Variants in NDST4 observed in about 807,000 individuals in gnomAD.
NDST4 encodes the protein N-deacetylase and N-sulfotransferase 4.
In NDST4, 63 loss-of-function variants were observed where a neutral mutation model predicts 100.8. The observed-to-expected ratio is 0.62, with a 90% CI of 0.51 to 0.77. NDST4 has a LOEUF of 0.77. Ranked by LOEUF, NDST4 falls within the 30% of genes least tolerant of loss-of-function variation. NDST4 has a pLI of 0.00. For missense variants in NDST4, 943 were observed against 1,018.4 expected (o/e 0.93, Z 1.01); for synonymous variants, 377 against 361.8 (o/e 1.04, Z -0.48).
chr4:114,852,768 A>C lies in NDST4; in HGVS notation c.1773T>G (p.Cys591Trp), dbSNP rs752771884. 1.2e-6 allele frequency: 2 copies of C among 1,612,834 alleles called. No homozygotes were observed. Among genetic ancestry groups the C allele is most frequent in the Admixed American group, 3.3e-5 (2 of 59,900 alleles). Residue 591 changes from cysteine to tryptophan, a missense_variant, in exon 8 of 14, where the codon TGT becomes TGG. By Grantham distance (215) the Cys-to-Trp change is radical. Coordinates refer to ENST00000264363, the MANE Select transcript of NDST4 (RefSeq NM_022569.3). ...HKDIWSREKT[C>W]DHLPKFLVIG... ...TTACTAGAAATTTTGGTAAGTGGTCACAAGTTTTCTCTCTGGACCAGATGT... is the reference window on the plus strand; with the variant it reads ...TTACTAGAAATTTTGGTAAGTGGTCCCAAGTTTTCTCTCTGGACCAGATGT...
At chr4:114,944,852 C>T (rs567511307) in intron 4 of NDST4, among the ~76,000 whole-genome samples, 7 of 152,234 alleles carry the variant, frequency 4.6e-5, no homozygotes, top group Admixed American at 1.3e-4. Flanking sequence ...CACCCCGGTG[C>T]TGCATTTTTG....
intron 4 of NDST4, among the ~76,000 whole-genome samples, chr4:114,965,473 A>C (rs1013561683): frequency 1.3e-5 from 2 of 151,956 alleles, no homozygotes; most frequent in Admixed American, 1.3e-4. Flanking sequence ...TTATGAAAAA[A>C]GTTATATAGA....
intron 2 of NDST4, among the ~76,000 whole-genome samples, chr4:115,064,582 CTG>C (rs1371590569): frequency 6.6e-6 from 1 of 151,996 alleles, no homozygotes; most frequent in African/African-American, 2.4e-5. Flanking sequence ...TTCATAAACA[CTG>C]TTCTCTTTTG....
At chr4:114,849,631 C>G (rs1308818951) in intron 8 of NDST4, among the ~76,000 whole-genome samples, 1 of 152,050 alleles carries the variant, frequency 6.6e-6, no homozygotes, top group Non-Finnish European at 1.5e-5. Flanking sequence ...GACCAACCAC[C>G]TTGATGGAAG....
chr4:114,949,679 A>C (rs1319418087), intron 4 of NDST4, among the ~76,000 whole-genome samples: 1 of 152,078 alleles, frequency 6.6e-6, no homozygotes, highest in Non-Finnish European at 1.5e-5. Flanking sequence ...TCCTTTTATG[A>C]AGCTTTCCTG....
intron 7 of NDST4, among the ~76,000 whole-genome samples, chr4:114,859,874 T>C (rs185411937): frequency 6.6e-6 from 1 of 152,322 alleles, no homozygotes; most frequent in Non-Finnish European, 1.5e-5. Flanking sequence ...CCTGAAAGCA[T>C]TTCTTAAATC....
chr4:114,972,196 A>G (rs1726529814), intron 3 of NDST4, among the ~76,000 whole-genome samples: 1 of 152,086 alleles, frequency 6.6e-6, no homozygotes, highest in Non-Finnish European at 1.5e-5. Flanking sequence ...CAGTGAATAA[A>G]TGAATAATTT....
chr4:114,943,017 T>G (rs1044255841), intron 4 of NDST4, among the ~76,000 whole-genome samples: 1 of 147,436 alleles, frequency 6.8e-6, no homozygotes, highest in Non-Finnish European at 1.5e-5. Context: ...TTACATATAT[T>G]ATATAATATA....
At chr4:115,085,662 A>T (rs935518772) in intron 1 of NDST4, among the ~76,000 whole-genome samples, 2 of 152,138 alleles carry the variant, frequency 1.3e-5, no homozygotes, top group Admixed American at 6.6e-5. Flanking sequence ...CTCTCCTGCC[A>T]CCCTGTAATG....
chr4:115,068,422 G>A (rs990768896), intron 2 of NDST4, among the ~76,000 whole-genome samples: 23 of 152,056 alleles, frequency 1.5e-4, no homozygotes, highest in African/African-American at 5.1e-4. Flanking sequence ...TACAGATTTT[G>A]TTTTCTACTT....
At chr4:114,872,741 T>C (rs986078595) in intron 6 of NDST4, among the ~76,000 whole-genome samples, 2 of 151,970 alleles carry the variant, frequency 1.3e-5, no homozygotes, top group African/African-American at 4.8e-5. Flanking sequence ...TGTCCCCTTT[T>C]ACAGATGAAA....
At chr4:114,956,866 A>G (rs1286749228) in intron 4 of NDST4, among the ~76,000 whole-genome samples, 1 of 152,204 alleles carries the variant, frequency 6.6e-6, no homozygotes, top group African/African-American at 2.4e-5. Flanking sequence ...TGCCAAAATT[A>G]TCTAAAATGT....
intron 2 of NDST4, among the ~76,000 whole-genome samples, chr4:114,994,979 A>C (rs567311308): frequency 7.2e-5 from 11 of 152,124 alleles, no homozygotes; most frequent in African/African-American, 2.6e-4. Context: ...GGAAGTCTGA[A>C]ATTTTATCTG....
chr4:114,995,888 G>T (rs1036582009), intron 2 of NDST4, among the ~76,000 whole-genome samples: 2 of 151,906 alleles, frequency 1.3e-5, no homozygotes, highest in African/African-American at 4.8e-5. Flanking sequence ...TCTTAAAATA[G>T]GGAGAAAAAT....
At chr4:114,974,406 G>A (rs1726585381) in intron 3 of NDST4, among the ~76,000 whole-genome samples, 1 of 152,028 alleles carries the variant, frequency 6.6e-6, no homozygotes. Context: ...AAAGACCAAT[G>A]TTAATTGTTA....
chr4:115,086,668 G>A (rs1381737938), intron 1 of NDST4, among the ~76,000 whole-genome samples: 1 of 152,004 alleles, frequency 6.6e-6, no homozygotes, highest in Admixed American at 6.6e-5. Flanking sequence ...AAATAGAAGA[G>A]TAAATGTCAG....
At position 115,076,519 on chromosome 4, in the gene NDST4, G is replaced by A. The variant is rs1425817468; in HGVS notation, c.518C>T (p.Pro173Leu). The A allele has an allele frequency of 6.2e-7, 1 of 1,613,796 alleles. No individual in the cohort carries two copies. The highest frequency in any genetic ancestry group is 8.5e-7 in the Non-Finnish European group (1 of 1,179,938). Residue 173 changes from proline (P) to leucine (L), a missense_variant, in exon 2 of 14, where the codon CCA becomes CTA. Coordinates refer to ENST00000264363, the MANE Select transcript of NDST4 (RefSeq NM_022569.3). ...CGGAAAGCCTTTTAATTGTGTACTT[G>A]GTAAGCTGTTCTCATTGGCTTTATG... ...GFHKANENSL[P>L]STQLKGFPLN... is the part of the protein sequence containing the mutation.
chr4:114,881,797 A>T (rs1375193039), intron 6 of NDST4, among the ~76,000 whole-genome samples: 1 of 152,178 alleles, frequency 6.6e-6, no homozygotes, highest in African/African-American at 2.4e-5. Context: ...CTAAATTAGT[A>T]ACAGCTTCAA....
intron 4 of NDST4, among the ~76,000 whole-genome samples, chr4:114,943,864 C>T (rs1407189763): frequency 6.6e-6 from 1 of 152,000 alleles, no homozygotes; most frequent in Non-Finnish European, 1.5e-5. Context: ...TTAAGAATTC[C>T]TCTGCTTGAA....
Sources: gnomAD v4.1 joint callset for allele counts (sites outside exome capture counted in the v4.1 genomes callset) on GRCh38, gnomAD v4.1.1 for gene constraint, MANE v1.5 for transcripts, NCBI Gene and HGNC (gene_info 2026-07-23, HGNC 2026-07-21) for gene names.